Variants in DOK7 observed in about 807,000 individuals in gnomAD.
DOK7 encodes docking protein 7, also known as protein Dok-7.
Under a neutral mutation model 30.7 loss-of-function variants are expected in DOK7, and 32 were observed. That is an observed-to-expected ratio of 1.04 (90% CI 0.79 to 1.40). DOK7 has a LOEUF of 1.40. Ranked by LOEUF, DOK7 falls within the 40% of genes most tolerant of loss-of-function variation. The pLI is 0.00. For missense variants in DOK7, 1,007 were observed against 699.2 expected (o/e 1.44, Z -4.97); for synonymous variants, 447 against 324.1 (o/e 1.38, Z -4.07).
chr4:3,490,775 CCCCCGGCTCATTCATTCCTTCCTCTG>C (rs1439645727), intron 6 of DOK7, among the ~76,000 whole-genome samples: 23 of 97,004 alleles, frequency 2.4e-4, no homozygotes, highest in African/African-American at 8.8e-4. Flanking sequence ...CTTTCCTTCT[CCCCCGGCTCATTCATTCCTTCCTCTG>C]CCCCCCCGCT....
Position 3,463,490 on chromosome 4 carries a change from C to A in DOK7, c.55-16C>A, listed in dbSNP as rs976572936. On this transcript the variant is annotated splice_polypyrimidine_tract_variant and intron_variant, in intron 1 of 6. Coordinates refer to ENST00000340083, the MANE Select transcript of DOK7 (RefSeq NM_173660.5). The stretch of plus-strand genomic sequence containing the variant: ...CGGGCGCGGGCGGCGGCTCACGCTC[C>A]CCCCTGTCCCCGCAGTGGAAGAGTA... The A allele has an allele frequency of 2.7e-6, 4 of 1,488,440 alleles. No homozygotes were observed. The highest frequency in any genetic ancestry group is 2.5e-5 in the South Asian group (2 of 79,594). 92.2% of individuals were successfully genotyped at this position (1,488,440 alleles called of 1,614,324 possible).
chr4:3,469,084 ATG>A (rs760197369), intron 2 of DOK7, among the ~76,000 whole-genome samples: 53 of 124,068 alleles, frequency 4.3e-4, no homozygotes, highest in African/African-American at 1.4e-3. Context: ...CTGAGTGTAC[ATG>A]TGTGTGCCTG....
chr4:3,495,762 G>A (rs1049316508), downstream of DOK7, among the ~76,000 whole-genome samples: 1 of 151,998 alleles, frequency 6.6e-6, no homozygotes, highest in East Asian at 2.0e-4. Context: ...GCTGGTTCGG[G>A]CTCTGCACCA....
At chr4:3,496,940 G>C, downstream of DOK7, 1 of 575,200 alleles carries the variant, frequency 1.7e-6, no homozygotes, top group Non-Finnish European at 2.7e-6. Flanking sequence ...GGCAGCCAGA[G>C]TTTGACTAGA....
chr4:3,463,839 G>GC (rs1196761832), intron 2 of DOK7, among the ~76,000 whole-genome samples: 1 of 151,976 alleles, frequency 6.6e-6, no homozygotes, highest in Non-Finnish European at 1.5e-5. Flanking sequence ...GCAGCAAGGG[G>GC]CCCCCCAGAA....
At chr4:3,472,542 C>G (rs530185688) in intron 2 of DOK7, among the ~76,000 whole-genome samples, 87 of 152,236 alleles carry the variant, frequency 5.7e-4, no homozygotes, top group Non-Finnish European at 1.0e-3. Context: ...CCTGCGCCGT[C>G]CTCTCTGCTC....
At chr4:3,480,565 G>A (rs1448751514) in intron 4 of DOK7, among the ~76,000 whole-genome samples, 1 of 152,170 alleles carries the variant, frequency 6.6e-6, no homozygotes, top group South Asian at 2.1e-4. Context: ...CTGAGATCCC[G>A]CCATTGCAGT....
At chr4:3,481,802 G>A (rs777012237) in intron 4 of DOK7, among the ~76,000 whole-genome samples, 3 of 152,218 alleles carry the variant, frequency 2.0e-5, no homozygotes, top group Non-Finnish European at 1.5e-5. Flanking sequence ...AGATCTAATT[G>A]GCTCATTAAA....
exon 8 of DOK7, chr4:3,500,775 C>A (rs777433060): frequency 1.3e-6 from 2 of 1,534,632 alleles, no homozygotes; most frequent in Non-Finnish European, 8.7e-7. Context: ...CGCACGGGCC[C>A]GGGAGGAGCA....
At chr4:3,468,680 C>G (rs1726505643) in intron 2 of DOK7, among the ~76,000 whole-genome samples, 1 of 133,074 alleles carries the variant, frequency 7.5e-6, no homozygotes, top group South Asian at 2.5e-4. Flanking sequence ...GTGTGCATGC[C>G]TGTGTGTGCA....
intron 6 of DOK7, among the ~76,000 whole-genome samples, chr4:3,491,152 C>T (rs1469098162): frequency 2.7e-5 from 3 of 109,300 alleles, no homozygotes; most frequent in East Asian, 6.8e-4. Flanking sequence ...CCCATTCCTT[C>T]CTTCCTTCTT....
intron 3 of DOK7, among the ~76,000 whole-genome samples, chr4:3,474,079 T>C (rs1315885838): frequency 6.6e-6 from 1 of 150,666 alleles, no homozygotes; most frequent in East Asian, 2.0e-4. Flanking sequence ...GGGAAGGGAG[T>C]GCTCCCCTGT....
At chr4:3,489,855 T>A (rs1728085384) in intron 6 of DOK7, 59 bp downstream of exon 6, 2 of 1,543,922 alleles carry the variant, frequency 1.3e-6, no homozygotes, top group African/African-American at 1.4e-5. Context: ...GCAGGAGAGC[T>A]CAGGAGGCAT....
Position 3,500,304 on chromosome 4 carries a change from G to GA in DOK7, c.1163dup (p.Ser389ValfsTer147), listed in dbSNP as rs1560242314. 2.5e-5 allele frequency: 38 copies of GA among 1,535,818 alleles called. No homozygotes were observed. Among genetic ancestry groups the GA allele is most frequent in the Non-Finnish European group, 3.1e-5 (35 of 1,146,806 alleles). ...CCCAGGACCAGAGAGGCCGCGCGGC[G>GA]AGTCGCCCACTTACGTGAACATCCC... On this transcript the variant is annotated frameshift_variant, in exon 7 of 8. Coordinates refer to the DOK7 transcript ENST00000643608. LOFTEE classifies it high-confidence loss of function.
At chr4:3,500,223 C>T (rs537598869) in intron 6 of DOK7, 30 of 1,533,382 alleles carry the variant, frequency 2.0e-5, no homozygotes, top group African/African-American at 1.1e-4. Flanking sequence ...CGGTCCCCAC[C>T]GGGGCTTCAC....
chr4:3,490,111 C>CTT (rs199921650), intron 6 of DOK7, among the ~76,000 whole-genome samples: 3,786 of 23,722 alleles, frequency 0.16, 231 homozygotes, highest in African/African-American at 0.23. Flanking sequence ...TCTTCACCCC[C>CTT]ATTCATTCCT....
At chr4:3,484,442 T>A in intron 4 of DOK7, 1 of 973,368 alleles carries the variant, frequency 1.0e-6, no homozygotes, top group Non-Finnish European at 1.2e-6. Context: ...CCCTCCTGCG[T>A]ACCTTTCTTT....
intron 5 of DOK7, among the ~76,000 whole-genome samples, chr4:3,486,041 C>CG (rs961110376): frequency 3.3e-5 from 5 of 152,172 alleles, no homozygotes; most frequent in African/African-American, 1.2e-4. Flanking sequence ...CTCGGTGGCC[C>CG]GGGGGCAGCT....
rs1173590549 is a variant in DOK7, at chr4:3,491,145, ATTCCTTCC to A, written c.772+1357_772+1364del. Among the ~76,000 whole-genome samples the A allele has an allele frequency of 2.7e-3, 125 of 47,098 alleles. 2 individuals are homozygous for A. Among genetic ancestry groups the A allele is most frequent in the African/African-American group, 0.011 (118 of 11,170 alleles). The allele number at this position is 47,098 out of a possible 152,430, so 30.9% of individuals were successfully genotyped here. A position where few individuals can be genotyped will look rare whatever the true frequency, so the allele number is the denominator to read the frequency against. ...GTTCATTCGTTTCTCCCTTCCCCCC[ATTCCTTCC>A]TTCCTTCTTCCTCCTGCTCATTCAT... On this transcript the variant is annotated intron_variant, in intron 6 of 6. Transcript: ENST00000340083.
Sources: allele counts gnomAD v4.1 joint callset (sites outside exome capture counted in the v4.1 genomes callset), GRCh38; gene constraint gnomAD v4.1.1; transcripts MANE v1.5; gene names NCBI Gene and HGNC (gene_info 2026-07-23, HGNC 2026-07-21).